DUOX2: variants seen among roughly 807,000 people sequenced by gnomAD.
DUOX2 encodes NADH/NADPH thyroid oxidase p138-tox.
DUOX2 carries 185 observed loss-of-function variants against 183.3 expected under a neutral mutation model. The observed-to-expected ratio is 1.01, with a 90% CI of 0.90 to 1.14. DUOX2 has a LOEUF of 1.14. Ranked by LOEUF, DUOX2 falls within the 50% of genes most tolerant of loss-of-function variation. The probability of loss-of-function intolerance (pLI) is 0.00; values close to 1 mark genes in which losing one functional copy is unlikely to be tolerated. For synonymous variants in DUOX2, 788 were observed against 812.4 expected (o/e 0.97, Z 0.51); for missense variants, 1,999 against 2,022.9 (o/e 0.99, Z 0.23).
At position 45,100,794 on chromosome 15, in the gene DUOX2, T is replaced by C. The variant is rs757047007; in HGVS notation, c.2966A>G (p.Glu989Gly). The C allele has an allele frequency of 2.5e-6, 4 of 1,614,000 alleles. No homozygotes were observed. The South Asian group carries it at 4.4e-5, about 18-fold the overall frequency. The change falls in exon 23 of 34, where the codon GAG becomes GGG. Residue 989 changes from glutamate (E) to glycine (G), a missense_variant. Coordinates refer to ENST00000389039, the MANE Select transcript of DUOX2 (RefSeq NM_001363711.2). The stretch of plus-strand genomic sequence containing the variant: ...CTTCTTCAGTCCAGGGCCTCCCAGC[T>C]CTGGGGCTTCTGGGGCAGGGGGCCC... ...GLGPPAPEAP[E>G]LGGPGLKKRF... is the part of the protein sequence containing the mutation.
At chr15:45,099,943 G>C in intron 24 of DUOX2, 51 bp from the exon 25 acceptor site, 1 of 1,611,884 alleles carries the variant, frequency 6.2e-7, no homozygotes, top group Non-Finnish European at 8.5e-7. Context: ...CCAAGGTCCC[G>C]AGCCCTGGGC....
intron 23 of DUOX2, among the ~76,000 whole-genome samples, 182 bp downstream of exon 23, chr15:45,100,573 G>C (rs1032109109): frequency 1.3e-5 from 2 of 152,200 alleles, no homozygotes; most frequent in African/African-American, 4.8e-5. Flanking sequence ...CTGAAGAATG[G>C]GGTGCAGAGG....
At chr15:45,096,502 C>T (rs1251687782) in intron 29 of DUOX2, among the ~76,000 whole-genome samples, 1 of 151,978 alleles carries the variant, frequency 6.6e-6, no homozygotes, top group Non-Finnish European at 1.5e-5. Flanking sequence ...TGGCAGGGAA[C>T]TTTATTGCTA....
rs943016066 is a variant in DUOX2, at chr15:45,097,277, C to T, written c.3808G>A (p.Val1270Met). ...TCCGCCTTCACCACGCTGATCTCCA[C>T]CTTCTTCCGGCTCAGGCTCACCAGC... ...DKLVSLSRKK[V>M]EISVVKAELL... Residue 1270 changes from valine (V) to methionine (M), a missense_variant, in exon 29 of 34, where the codon GTG (valine) becomes ATG (methionine). Val to Met is a conservative substitution (Grantham distance 21). Transcript: ENST00000389039. 9 of 1,614,138 alleles carry T rather than the reference C, an allele frequency of 5.6e-6. No individual in the cohort carries two copies. In the East Asian group the frequency reaches 8.9e-5, roughly 16 times the overall value.
Position 45,110,495 on chromosome 15 carries a change from A to T in DUOX2, c.973T>A (p.Ser325Thr). ...TCAGAGGCCACCACAAATTCCGGGG[A>T]GATGCTGGGGTCTAGGAAAGGACGG... is the stretch of plus-strand genomic sequence containing the variant. ...GYRPFLDPSI[S>T]PEFVVASEQF... is the part of the protein sequence containing the mutation. Residue 325 changes from serine to threonine, a missense_variant, in exon 9 of 34, where the codon TCC (serine) becomes ACC (threonine). Physicochemically the swap from Ser to Thr is moderately conservative, Grantham distance 58. Coordinates refer to ENST00000389039, the MANE Select transcript of DUOX2 (RefSeq NM_001363711.2). The T allele has an allele frequency of 6.2e-7, 1 of 1,614,096 alleles. No individual in the cohort carries two copies. The highest frequency in any genetic ancestry group is 2.2e-5 in the East Asian group (1 of 44,870).
chr15:45,110,570 C>A (rs1397108707), intron 8 of DUOX2, 46 bp from the exon 9 acceptor site: 3 of 1,613,846 alleles, frequency 1.9e-6, no homozygotes, highest in Admixed American at 3.3e-5. Context: ...CTTCTTGCCT[C>A]CACATCCTCC....
In DUOX2 at chr15:45,111,940, G is replaced by T. The variant is rs886051197; in HGVS notation, c.341C>A (p.Ser114Tyr). Reference sequence around the variant, plus strand: ...GGGCGTTTCCACGCTCACCACGTCGGAAAGAACATGGTAGCCTGCGGGCAT... The same window carrying T: ...GGGCGTTTCCACGCTCACCACGTCGTAAAGAACATGGTAGCCTGCGGGCAT... ...LGVFFGYHVL[S>Y]DVVSVETPGC... Residue 114 changes from serine (S) to tyrosine (Y), a missense_variant, in exon 5 of 34, where the codon TCC becomes TAC. By Grantham distance (144) the Ser-to-Tyr change is moderately radical. Transcript: ENST00000389039. 4 of 1,613,654 alleles carry T rather than the reference G, an allele frequency of 2.5e-6. No individual in the cohort carries two copies. Among genetic ancestry groups the T allele is most frequent in the Middle Eastern group, 1.7e-4 (1 of 6,060 alleles).
rs1389277579 is a variant in DUOX2, at chr15:45,111,225, C to T, written c.768G>A (p.Leu256=). ...NREPFLQALG[L]LWFRYHNLWA... is the part of the protein sequence containing the mutation. ...ACAGGTTGTGGTAGCGGAACCAGAGCAGGCCCAGCGCCTGCAGGAAGGGTT... is the reference window on the plus strand; with the variant it reads ...ACAGGTTGTGGTAGCGGAACCAGAGTAGGCCCAGCGCCTGCAGGAAGGGTT... Residue 256 remains leucine (L), a synonymous_variant, in exon 7 of 34, where the codon CTG becomes CTA. Transcript: ENST00000389039. 17 of 1,304,684 alleles carry T rather than the reference C, an allele frequency of 1.3e-5. No individual in the cohort carries two copies. The highest frequency in any genetic ancestry group is 9.0e-5 in the Admixed American group (4 of 44,376). 80.8% of individuals were successfully genotyped at this position (1,304,684 alleles called of 1,614,324 possible). A position where few individuals can be genotyped will look rare whatever the true frequency, so the allele number is the denominator to read the frequency against.
chr15:45,110,441 C>CA lies in DUOX2; in HGVS notation c.1026dup (p.Gly343TrpfsTer47). On this transcript the variant is annotated frameshift_variant, in exon 9 of 34. Coordinates refer to ENST00000389039, the MANE Select transcript of DUOX2 (RefSeq NM_001363711.2). LOFTEE classifies it high-confidence loss of function. ...CCCCTCCCTCACCTCATGTAGACAC[C>CA]AGGGGGCACCATGGTAGAGAAGAAC... 1 of 1,613,884 alleles carries CA rather than the reference C, an allele frequency of 6.2e-7. No homozygotes were observed. The highest frequency in any genetic ancestry group is 1.7e-5 in the Admixed American group (1 of 60,006).
At position 45,099,761 on chromosome 15, in the gene DUOX2, T is replaced by C. The variant is rs746176090; in HGVS notation, c.3316A>G (p.Ile1106Val). 2 of 1,614,130 alleles carry C rather than the reference T, an allele frequency of 1.2e-6. No homozygotes were observed. Among genetic ancestry groups the C allele is most frequent in the Non-Finnish European group, 1.7e-6 (2 of 1,180,020 alleles). ...YILLTMCRNL[I>V]TFLRETFLNR... Reference sequence around the variant, plus strand: ...AGGAAAGTCTCTCGCAGGAAGGTTATGAGGTTGCGGCACATGGTGAGCAAG... The same window carrying C: ...AGGAAAGTCTCTCGCAGGAAGGTTACGAGGTTGCGGCACATGGTGAGCAAG... Residue 1106 changes from isoleucine to valine, a missense_variant, in exon 25 of 34, where the codon ATA (isoleucine) becomes GTA (valine). Physicochemically the swap from Ile to Val is conservative, Grantham distance 29. Coordinates refer to ENST00000389039, the MANE Select transcript of DUOX2 (RefSeq NM_001363711.2).
In DUOX2 at chr15:45,108,774, A is replaced by T. The variant is rs747251834; in HGVS notation, c.1398+15T>A. The T allele has an allele frequency of 6.2e-7, 1 of 1,614,096 alleles. No homozygotes were observed. The highest frequency in any genetic ancestry group is 1.1e-5 in the South Asian group (1 of 91,060). On this transcript the variant is annotated intron_variant, in intron 12 of 33. Coordinates refer to ENST00000389039, the MANE Select transcript of DUOX2 (RefSeq NM_001363711.2). Reference sequence around the variant, plus strand: ...GAAAGCTTTAGCTGCCATTATTATCATTACTATTCCTGACCTGGGGGTCCA... The same window carrying T: ...GAAAGCTTTAGCTGCCATTATTATCTTTACTATTCCTGACCTGGGGGTCCA...
chr15:45,104,289 C>A lies in DUOX2; in HGVS notation c.2411G>T (p.Cys804Phe). The A allele has an allele frequency of 6.2e-7, 1 of 1,614,146 alleles. No individual in the cohort carries two copies. The highest frequency in any genetic ancestry group is 2.2e-5 in the East Asian group (1 of 44,874). The change falls in exon 19 of 34, where the codon TGC becomes TTC. Residue 804 changes from cysteine to phenylalanine, a missense_variant. This residue lies in a region of DUOX2 where 1,628 missense variants were observed against 1,608.6 expected (regional missense o/e 1.01). Transcript: ENST00000389039. ...GGCAAACTCGGCCCTGCTCAGCTCG[C>A]AGGTCAGGGCCTCCCGCACCTTCTG... ...SSQKVREALT[C>F]ELSRAEFAES... is the part of the protein sequence containing the mutation.
In DUOX2 at chr15:45,110,654, A is replaced by G. The variant is rs1404328465; in HGVS notation, c.939T>C (p.Tyr313=). The change falls in exon 8 of 34, where the codon TAT becomes TAC. Residue 313 remains tyrosine, a synonymous_variant. Transcript: ENST00000389039. ...PSFLQKTLPE[Y]TGYRPFLDPS... is the part of the protein sequence containing the mutation. Reference sequence around the variant, plus strand: ...CCTCCTTCCCCGCTCCCTCACCTGTATACTCCGGGAGTGTTTTCTGCAGGA... The same window carrying G: ...CCTCCTTCCCCGCTCCCTCACCTGTGTACTCCGGGAGTGTTTTCTGCAGGA... 6.2e-6 allele frequency: 10 copies of G among 1,613,034 alleles called. No individual in the cohort carries two copies. The highest frequency in any genetic ancestry group is 8.5e-6 in the Non-Finnish European group (10 of 1,179,988).
At chr15:45,098,347 T>C (rs1893963540) in intron 26 of DUOX2, among the ~76,000 whole-genome samples, 1 of 152,228 alleles carries the variant, frequency 6.6e-6, no homozygotes. Flanking sequence ...GGGCAGGGAT[T>C]TTTGTTTCAT....
In DUOX2 at chr15:45,108,100, C is replaced by T; in HGVS notation, c.1521G>A (p.Gln507=). The T allele has an allele frequency of 6.2e-7, 1 of 1,614,162 alleles. No homozygotes were observed. The highest frequency in any genetic ancestry group is 1.3e-5 in the African/African-American group (1 of 75,042). Residue 507 remains glutamine, a synonymous_variant, in exon 13 of 34, where the codon CAG becomes CAA. Coordinates refer to ENST00000389039, the MANE Select transcript of DUOX2 (RefSeq NM_001363711.2). The part of the protein sequence containing the change: ...GPLFSAIVLD[Q]FVRLRDGDRY... ...GGTCACCATCCCGCAGCCGTACAAA[C>T]TGGTCGAGGACAATGGCACTGAACA... is the stretch of plus-strand genomic sequence containing the variant.
Position 45,109,304 on chromosome 15 carries a change from T to C in DUOX2, c.1234+220A>G. 12 of 600,466 alleles carry C rather than the reference T, an allele frequency of 2.0e-5. No homozygotes were observed. In the South Asian group the frequency reaches 2.4e-4, roughly 12 times the overall value. The allele number at this position is 600,466 out of a possible 1,614,324, so 37.2% of individuals were successfully genotyped here. On this transcript the variant is annotated intron_variant, in intron 11 of 33. Transcript: ENST00000389039. ...TTGTGGTACCACCCCTCCCCAATAC[T>C]CAGACATAGTTAATTTAAAATAAAA...
intron 29 of DUOX2, 126 bp downstream of exon 29, chr15:45,097,112 G>A: frequency 7.0e-7 from 1 of 1,418,586 alleles, no homozygotes; most frequent in Non-Finnish European, 9.8e-7. Flanking sequence ...GTGGTTTTTT[G>A]TTGTTGTTGT....
At position 45,108,232 on chromosome 15, in the gene DUOX2, C is replaced by T. The variant is rs1380585703; in HGVS notation, c.1399-10G>A. The T allele has an allele frequency of 6.2e-7, 1 of 1,613,956 alleles. No homozygotes were observed. The highest frequency in any genetic ancestry group is 8.5e-7 in the Non-Finnish European group (1 of 1,180,000). On this transcript the variant is annotated splice_polypyrimidine_tract_variant and intron_variant, in intron 12 of 33. Coordinates refer to ENST00000389039, the MANE Select transcript of DUOX2 (RefSeq NM_001363711.2). ...CTGTGGCCTCCAGCACCTGGGGCAC[C>T]ACAGGAGATAAGGGGTGAGCGTATG... is the stretch of plus-strand genomic sequence containing the variant.
rs180716500 is a variant in DUOX2, at chr15:45,099,885, G to T, written c.3192C>A (p.Gly1064=). The T allele has an allele frequency of 7.4e-6, 12 of 1,614,196 alleles. No homozygotes were observed. In the East Asian group the frequency reaches 2.7e-4, roughly 36 times the overall value. The stretch of plus-strand genomic sequence containing the variant: ...CAATGTCCGAGGGTGGCGAGGCAAA[G>T]CCATAGTCTGGGGCCGGAGTGAGGT... ...GVFADRAYYY[G]FASPPSDIAQ... is the part of the protein sequence containing the mutation. Residue 1064 remains glycine (G), a synonymous_variant, in exon 25 of 34, where the codon GGC becomes GGA. Coordinates refer to ENST00000389039, the MANE Select transcript of DUOX2 (RefSeq NM_001363711.2).
Sources: gnomAD v4.1 joint callset for allele counts (sites outside exome capture counted in the v4.1 genomes callset) on GRCh38, gnomAD v4.1.1 for gene constraint, gnomAD v4.1.1 regional missense constraint, MANE v1.5 for transcripts, NCBI Gene and HGNC (gene_info 2026-07-23, HGNC 2026-07-21) for gene names.